The following SMPD3 variants were observed in gnomAD, a reference collection of about 807,000 sequenced individuals.
SMPD3 encodes nSMase-2.
SMPD3 carries 21 observed loss-of-function variants against 55.7 expected under a neutral mutation model. That is an observed-to-expected ratio of 0.38 (90% CI 0.27 to 0.54). The LOEUF (loss-of-function observed/expected upper bound fraction) is 0.54, where lower values mean the gene tolerates loss of function less well. SMPD3 is among the 20% of genes least tolerant of loss of function. The pLI, the probability that SMPD3 is intolerant of heterozygous loss-of-function variation, is 0.80. For missense variants in SMPD3, 842 were observed against 899.6 expected (o/e 0.94, Z 0.82); for synonymous variants, 457 against 404.3 (o/e 1.13, Z -1.56).
At chr16:68,435,074 A>G (rs140493240) in intron 1 of SMPD3, among the ~76,000 whole-genome samples, 138 of 152,172 alleles carry the variant, frequency 9.1e-4, no homozygotes, top group African/African-American at 3.2e-3. Flanking sequence ...TGTCATCACT[A>G]CTACCTGTGT....
rs767215961 is a variant in SMPD3 at position 68,417,768 on chromosome 16, C to T, written c.-269+30585G>A. ...CTTTGTGTCGTTTTGCTATATCACA[C>T]AGCTCCGTCTGAGCTGCCTCAAACC... On this transcript the variant is annotated intron_variant, in intron 1 of 8. Coordinates refer to ENST00000219334, the MANE Select transcript of SMPD3 (RefSeq NM_018667.4). Among the ~76,000 whole-genome samples the T allele has an allele frequency of 1.1e-4, 16 of 152,218 alleles. 1 individual carries two copies. Among genetic ancestry groups the T allele is most frequent in the South Asian group, 4.1e-4 (2 of 4,834 alleles).
chr16:68,409,233 C>T (rs1411749673), intron 1 of SMPD3, among the ~76,000 whole-genome samples: 1 of 152,232 alleles, frequency 6.6e-6, no homozygotes. Flanking sequence ...CGAAACCTTG[C>T]CCGGAGGGCT....
At chr16:68,361,372 G>T in intron 8 of SMPD3, 65 bp from the exon 9 acceptor site, 2 of 1,518,862 alleles carry the variant, frequency 1.3e-6, no homozygotes, top group South Asian at 1.2e-5. Flanking sequence ...GCAGGGAGCG[G>T]CCTGGGGATC....
At chr16:68,412,337 A>G (rs1363765712) in intron 1 of SMPD3, among the ~76,000 whole-genome samples, 2 of 152,232 alleles carry the variant, frequency 1.3e-5, no homozygotes, top group Non-Finnish European at 2.9e-5. Context: ...GGAAACCCAC[A>G]GCCAGGGTGA....
In SMPD3 at chr16:68,447,143, C is replaced by G. The variant is rs1402856370; in HGVS notation, c.-269+1210G>C. ...GGCGCAGGCCTGCCAGTGCGGCGAC[C>G]GCCGCTTTGTCCTCTCGAGGATGCC... On this transcript the variant is annotated intron_variant, in intron 1 of 8. Transcript: ENST00000219334. This position sits in a 1 kb window ranked among gnomAD's most constrained non-coding sequence, Gnocchi z 5.1. 6.6e-6 allele frequency among the ~76,000 whole-genome samples: 1 copy of G among 152,052 alleles called. No homozygotes were observed. The highest frequency in any genetic ancestry group is 1.9e-4 in the East Asian group (1 of 5,168).
intron 1 of SMPD3, among the ~76,000 whole-genome samples, chr16:68,411,613 T>A (rs910413996): frequency 6.6e-6 from 1 of 152,046 alleles, no homozygotes; most frequent in African/African-American, 2.4e-5. Flanking sequence ...TGATAATGGA[T>A]AACGATCAAA....
chr16:68,365,208 G>T, intron 3 of SMPD3, 116 bp from the exon 4 acceptor site: 2 of 1,056,830 alleles, frequency 1.9e-6, no homozygotes, highest in Non-Finnish European at 2.8e-6. Flanking sequence ...CTGGCTCCTG[G>T]CTGGATTCTG....
intron 1 of SMPD3, among the ~76,000 whole-genome samples, chr16:68,420,100 G>A (rs1217861500): frequency 6.6e-6 from 1 of 150,684 alleles, no homozygotes; most frequent in African/African-American, 2.4e-5. Flanking sequence ...CCTCCCACCT[G>A]TCTCCCAAGT....
chr16:68,384,598 GTC>G (rs1351893648), intron 2 of SMPD3, among the ~76,000 whole-genome samples: 2 of 152,194 alleles, frequency 1.3e-5, no homozygotes, highest in Non-Finnish European at 2.9e-5. Context: ...TCTGTGGGTT[GTC>G]TCTGCAGGAC....
At chr16:68,361,820 G>T in intron 7 of SMPD3, 61 bp from the exon 8 acceptor site, 1 of 1,574,030 alleles carries the variant, frequency 6.4e-7, no homozygotes, top group Non-Finnish European at 8.6e-7. Flanking sequence ...CCTGGCAGGG[G>T]CTGTGTGTGG....
chr16:68,382,040 C>A (rs1323616036), intron 2 of SMPD3: 1 of 152,218 alleles, frequency 6.6e-6, no homozygotes, highest in African/African-American at 2.4e-5. Flanking sequence ...AAAGTCCATT[C>A]CTACCTGTCC....
chr16:68,392,217 C>T (rs895783181), intron 1 of SMPD3, among the ~76,000 whole-genome samples: 4 of 152,146 alleles, frequency 2.6e-5, no homozygotes, highest in African/African-American at 9.6e-5. Flanking sequence ...TTCAATGGTG[C>T]AAAAGTAATA....
At chr16:68,422,938 C>T (rs771514071) in intron 1 of SMPD3, among the ~76,000 whole-genome samples, 2 of 152,196 alleles carry the variant, frequency 1.3e-5, no homozygotes, top group Non-Finnish European at 2.9e-5. Flanking sequence ...AACACATATA[C>T]AGCCCCAGCC....
intron 3 of SMPD3, among the ~76,000 whole-genome samples, chr16:68,370,440 A>C (rs2089626302): frequency 6.6e-6 from 1 of 152,044 alleles, no homozygotes; most frequent in Non-Finnish European, 1.5e-5. Flanking sequence ...TTATGAACCG[A>C]CAGGGCCCCT....
At chr16:68,413,663 C>A (rs975989567) in intron 1 of SMPD3, among the ~76,000 whole-genome samples, 1 of 152,056 alleles carries the variant, frequency 6.6e-6, no homozygotes, top group Admixed American at 6.5e-5. Context: ...GAAATGGATC[C>A]AAAAAATGGT....
At chr16:68,363,060 C>T (rs181362273) in intron 7 of SMPD3, among the ~76,000 whole-genome samples, 9 of 152,262 alleles carry the variant, frequency 5.9e-5, no homozygotes, top group Non-Finnish European at 1.0e-4. Context: ...TGAAAATGGT[C>T]GGCTGTGTTA....
chr16:68,368,273 G>A (rs1026924013), intron 3 of SMPD3: 1 of 148,028 alleles, frequency 6.8e-6, no homozygotes, highest in African/African-American at 2.5e-5. Flanking sequence ...ACAAGCAGGG[G>A]CCAGGGGTAC....
At chr16:68,436,928 C>A (rs1225019137) in intron 1 of SMPD3, among the ~76,000 whole-genome samples, 1 of 152,254 alleles carries the variant, frequency 6.6e-6, no homozygotes, top group African/African-American at 2.4e-5. Context: ...GTTCCACATA[C>A]CAGGTCTGCT....
intron 2 of SMPD3, among the ~76,000 whole-genome samples, chr16:68,379,302 A>G (rs994832086): frequency 1.6e-4 from 25 of 152,244 alleles, no homozygotes; most frequent in Non-Finnish European, 2.5e-4. Context: ...ATGCAGGGCC[A>G]GGTCGACCTG....
Sources: gnomAD v4.1 joint callset for allele counts (sites outside exome capture counted in the v4.1 genomes callset) on GRCh38, gnomAD v4.1.1 for gene constraint, Gnocchi (gnomAD v3.1) non-coding constraint, MANE v1.5 for transcripts, NCBI Gene and HGNC (gene_info 2026-07-23, HGNC 2026-07-21) for gene names.